The following GPSM2 variants were observed in gnomAD, a reference collection of about 807,000 sequenced individuals.
The protein encoded by GPSM2 is G protein signaling modulator 2.
A neutral mutation model predicts 78.4 loss-of-function variants in GPSM2; 58 were observed. The observed-to-expected ratio is 0.74, with a 90% CI of 0.60 to 0.92. The LOEUF is 0.92. GPSM2 is among the 40% of genes least tolerant of loss of function. The pLI, the probability that GPSM2 is intolerant of heterozygous loss-of-function variation, is 0.00. For missense variants in GPSM2, 700 were observed against 815.5 expected (o/e 0.86, Z 1.73); for synonymous variants, 224 against 280.2 (o/e 0.80, Z 2.00).
chr1:108,919,034 A>C (rs1484499523), intron 12 of GPSM2, among the ~76,000 whole-genome samples: 1 of 151,310 alleles, frequency 6.6e-6, no homozygotes, highest in Non-Finnish European at 1.5e-5. Flanking sequence ...TCGAGATGGA[A>C]TCTTGCTCTG....
chr1:108,913,954 C>T (rs1454907075), intron 10 of GPSM2, among the ~76,000 whole-genome samples: 2 of 152,038 alleles, frequency 1.3e-5, no homozygotes, highest in East Asian at 1.9e-4. Context: ...ATTCTTTTCA[C>T]GCAATTGAAG....
chr1:108,905,318 A>AT (rs1397189676), intron 10 of GPSM2, among the ~76,000 whole-genome samples: 1 of 152,236 alleles, frequency 6.6e-6, no homozygotes, highest in Admixed American at 6.5e-5. Context: ...GTTCGCTCTT[A>AT]TAACAAAACC....
In GPSM2 at chr1:108,931,352, C is replaced by G. The variant is rs771474634; in HGVS notation, c.*1412C>G. 3 of 1,541,664 alleles carry G rather than the reference C, an allele frequency of 1.9e-6. No homozygotes were observed. The highest frequency in any genetic ancestry group is 1.7e-4 in the Middle Eastern group (1 of 6,000). On this transcript the variant is annotated 3_prime_UTR_variant, in exon 15 of 15. Transcript: ENST00000264126. ...TTACAAGGGGATGATAACAAAGTAA[C>G]TAACTAACTGTAGCAAAAGACAAGT...
chr1:108,896,939 G>T lies in GPSM2; in HGVS notation c.132G>T (p.Val44=). Residue 44 remains valine (V), a synonymous_variant, in exon 3 of 15, where the codon GTG becomes GTT. Transcript: ENST00000264126. ...AATCAGGAGACTGCCGCGCTGGCGT[G>T]TCATTCTTTGAAGCTGCAGTTCAAG... ...LCKSGDCRAG[V]SFFEAAVQVG... is the part of the protein sequence containing the mutation. 1 of 1,614,166 alleles carries T rather than the reference G, an allele frequency of 6.2e-7. No homozygotes were observed. Among genetic ancestry groups the T allele is most frequent in the Non-Finnish European group, 8.5e-7 (1 of 1,180,006 alleles).
At position 108,898,872 on chromosome 1, in the gene GPSM2, G is replaced by A. The variant is rs763484003; in HGVS notation, c.682-7G>A. On this transcript the variant is annotated splice_region_variant and splice_polypyrimidine_tract_variant and intron_variant, in intron 6 of 14. Coordinates refer to ENST00000264126, the MANE Select transcript of GPSM2 (RefSeq NM_013296.5). Reference sequence around the variant, plus strand: ...TATCTACATCTAATTAAAATTGTTTGTTTCAGCGTCTCCTTATTGCAAAAG... The same window carrying A: ...TATCTACATCTAATTAAAATTGTTTATTTCAGCGTCTCCTTATTGCAAAAG... The A allele has an allele frequency of 4.4e-6, 7 of 1,605,816 alleles. No individual in the cohort carries two copies. In the South Asian group the frequency reaches 7.7e-5, roughly 18 times the overall value.
intron 2 of GPSM2, among the ~76,000 whole-genome samples, chr1:108,894,871 A>G (rs1648241832): frequency 1.3e-5 from 2 of 152,150 alleles, no homozygotes; most frequent in Non-Finnish European, 2.9e-5. Context: ...GGCTCAGTTT[A>G]TCTTTGTCCA....
At chr1:108,926,279 A>C (rs1165045687) in intron 14 of GPSM2, 1 of 152,210 alleles carries the variant, frequency 6.6e-6, no homozygotes, top group East Asian at 1.9e-4. Context: ...TTCCAGGAGA[A>C]TGGGATTCAG....
intron 14 of GPSM2, among the ~76,000 whole-genome samples, chr1:108,925,512 G>A (rs1651050322): frequency 6.6e-6 from 1 of 151,906 alleles, no homozygotes; most frequent in South Asian, 2.1e-4. Flanking sequence ...AGAGTTGGAA[G>A]GATACCCCAA....
At chr1:108,923,154 T>TC (rs1650857525) in intron 13 of GPSM2, among the ~76,000 whole-genome samples, 1 of 152,100 alleles carries the variant, frequency 6.6e-6, no homozygotes, top group Non-Finnish European at 1.5e-5. Context: ...TACCTCAGCC[T>TC]CCCAAGTAAC....
chr1:108,902,361 C>A (rs1415409617), intron 8 of GPSM2, among the ~76,000 whole-genome samples: 1 of 142,674 alleles, frequency 7.0e-6, no homozygotes, highest in Non-Finnish European at 1.5e-5. Context: ...AGCCTGGCGA[C>A]AGAGCAAGAC....
chr1:108,923,964 T>C, intron 13 of GPSM2, 36 bp from the exon 14 acceptor site: 1 of 1,432,742 alleles, frequency 7.0e-7, no homozygotes, highest in Non-Finnish European at 9.8e-7. Flanking sequence ...GTTTTTTGTT[T>C]TTTTTTAATC....
chr1:108,931,159 T>C lies in GPSM2; in HGVS notation c.*1219T>C. ...TAAAACAAACTTTTCTAAGTTCTAA[T>C]ATAAAAACAAAAAACAAAACCCATG... On this transcript the variant is annotated 3_prime_UTR_variant, in exon 15 of 15. Coordinates refer to ENST00000264126, the MANE Select transcript of GPSM2 (RefSeq NM_013296.5). The C allele has an allele frequency of 8.9e-6, 6 of 673,666 alleles. No individual in the cohort carries two copies. The highest frequency in any genetic ancestry group is 1.4e-5 in the Non-Finnish European group (6 of 436,702). The allele number at this position is 673,666 out of a possible 1,614,324, so 41.7% of individuals were successfully genotyped here.
intron 8 of GPSM2, 32 bp from the exon 9 acceptor site, chr1:108,903,091 AAAT>A (rs961692580): frequency 7.7e-7 from 1 of 1,295,932 alleles, no homozygotes; most frequent in African/African-American, 1.4e-5. Flanking sequence ...ACCTCTTTTC[AAAT>A]AACTGCATGT....
At chr1:108,883,934 CAG>C (rs1206671790) in intron 1 of GPSM2, among the ~76,000 whole-genome samples, 2 of 151,996 alleles carry the variant, frequency 1.3e-5, no homozygotes, top group African/African-American at 4.8e-5. Context: ...TGGGGGCAGA[CAG>C]AGTTGCACTG....
chr1:108,896,776 G>A (rs1159231226), intron 2 of GPSM2, 88 bp from the exon 3 acceptor site: 2 of 1,009,144 alleles, frequency 2.0e-6, no homozygotes, highest in East Asian at 2.4e-5. Flanking sequence ...AACAAGAGTA[G>A]CCGCTTAAAT....
At chr1:108,889,798 T>C (rs1436950107) in intron 2 of GPSM2, among the ~76,000 whole-genome samples, 1 of 151,676 alleles carries the variant, frequency 6.6e-6, no homozygotes, top group Non-Finnish European at 1.5e-5. Context: ...CCGTGCAACC[T>C]CTCTGCTTAA....
intron 2 of GPSM2, among the ~76,000 whole-genome samples, chr1:108,892,271 A>C (rs1319285215): frequency 6.6e-6 from 1 of 152,226 alleles, no homozygotes; most frequent in East Asian, 1.9e-4. Flanking sequence ...TCTTTTAGAA[A>C]GATGTAGCAT....
intron 7 of GPSM2, among the ~76,000 whole-genome samples, chr1:108,899,245 G>A (rs1388902107): frequency 6.6e-6 from 1 of 152,186 alleles, no homozygotes; most frequent in Non-Finnish European, 1.5e-5. Flanking sequence ...AATAGCAGCA[G>A]TATGACCCCT....
chr1:108,894,139 A>G (rs986018545), intron 2 of GPSM2, among the ~76,000 whole-genome samples: 8 of 152,242 alleles, frequency 5.3e-5, no homozygotes, highest in Non-Finnish European at 8.8e-5. Flanking sequence ...TTAAACAGAT[A>G]TACTCAATTT....
Sources: allele counts gnomAD v4.1 joint callset (sites outside exome capture counted in the v4.1 genomes callset), GRCh38; gene constraint gnomAD v4.1.1; transcripts MANE v1.5; gene names NCBI Gene and HGNC (gene_info 2026-07-23, HGNC 2026-07-21).